MFSD1: variants seen among roughly 807,000 people sequenced by gnomAD.
MFSD1 encodes lysosomal dipeptide transporter MFSD1.
MFSD1 carries 59 observed loss-of-function variants against 67.1 expected under a neutral mutation model. The observed-to-expected ratio is 0.88, with a 90% CI of 0.71 to 1.09. The LOEUF is 1.09. MFSD1 is among the 50% of genes least tolerant of loss of function. The pLI, the probability that MFSD1 is intolerant of heterozygous loss-of-function variation, is 0.00. For missense variants in MFSD1, 552 were observed against 566.1 expected (o/e 0.97, Z 0.25); for synonymous variants, 213 against 200.3 (o/e 1.06, Z -0.54).
intron 3 of MFSD1, 58 bp downstream of exon 3, chr3:158,805,532 C>A: frequency 8.2e-7 from 1 of 1,223,452 alleles, no homozygotes; most frequent in Non-Finnish European, 1.2e-6. Flanking sequence ...AAATACAGAG[C>A]TAGATTAAGG....
Position 158,811,828 on chromosome 3 carries a change from G to A in MFSD1, c.550-2137G>A, listed in dbSNP as rs151036654. On this transcript the variant is annotated intron_variant, in intron 6 of 15. Coordinates refer to ENST00000415822, the MANE Select transcript of MFSD1 (RefSeq NM_022736.4). The stretch of plus-strand genomic sequence containing the variant: ...CTAGCTAATGGCATTACTCAAATAA[G>A]CAACAAGGTAAACAGAGACCTACTG... 2.8e-3 allele frequency among the ~76,000 whole-genome samples: 419 copies of A among 152,236 alleles called. 3 individuals carry two copies. The highest frequency in any genetic ancestry group is 9.6e-3 in the African/African-American group (397 of 41,542).
At chr3:158,814,810 C>T (rs773744588) in intron 7 of MFSD1, among the ~76,000 whole-genome samples, 17 of 152,072 alleles carry the variant, frequency 1.1e-4, no homozygotes, top group East Asian at 1.9e-4. Flanking sequence ...CAGCCGGGCA[C>T]GGTGGCTCAC....
In MFSD1 at chr3:158,828,964, C is replaced by A; in HGVS notation, c.1395-15C>A. 6.3e-7 allele frequency: 1 copy of A among 1,596,970 alleles called. No homozygotes were observed. Among genetic ancestry groups the A allele is most frequent in the Non-Finnish European group, 8.5e-7 (1 of 1,171,814 alleles). ...TTTCTTCCTCTTTGGTAATTTATTG[C>A]GTTATGTTTTGCAGATGAGAAGTTA... On this transcript the variant is annotated splice_polypyrimidine_tract_variant and intron_variant, in intron 15 of 15. Coordinates refer to ENST00000415822, the MANE Select transcript of MFSD1 (RefSeq NM_022736.4).
rs113683331 is a variant in MFSD1, at chr3:158,829,237, C to T, written c.*255C>T. 0.025 allele frequency: 7,891 copies of T among 314,176 alleles called. 148 individuals carry two copies. Among genetic ancestry groups the T allele is most frequent in the Non-Finnish European group, 0.035 (6,069 of 173,940 alleles). 19.5% of individuals were successfully genotyped at this position (314,176 alleles called of 1,614,324 possible). On this transcript the variant is annotated 3_prime_UTR_variant, in exon 16 of 16. Coordinates refer to ENST00000415822, the MANE Select transcript of MFSD1 (RefSeq NM_022736.4). ...AAAGGGTTAGAAAATTGCTGTGGAA[C>T]ATCCAGGTGAACTTCAGGAAAGACA...
At chr3:158,807,257 A>G (rs978584063) in intron 4 of MFSD1, 139 bp from the exon 5 acceptor site, 2 of 926,104 alleles carry the variant, frequency 2.2e-6, no homozygotes, top group Non-Finnish European at 3.4e-6. Context: ...AATGAACATT[A>G]ATATTTTAAC....
intron 14 of MFSD1, among the ~76,000 whole-genome samples, chr3:158,826,665 T>G (rs566998811): frequency 1.3e-4 from 19 of 151,654 alleles, no homozygotes; most frequent in African/African-American, 3.9e-4. Flanking sequence ...TAATAGTTTT[T>G]TTTTTCTTTT....
At chr3:158,817,989 C>G (rs937550199) in intron 7 of MFSD1, among the ~76,000 whole-genome samples, 3 of 152,100 alleles carry the variant, frequency 2.0e-5, no homozygotes, top group Non-Finnish European at 4.4e-5. Context: ...ACTACTGTCC[C>G]TAAGTTCTCT....
In MFSD1 at chr3:158,809,215, A is replaced by G; in HGVS notation, c.477A>G (p.Thr159=). 1.9e-6 allele frequency: 3 copies of G among 1,606,920 alleles called. No individual in the cohort carries two copies. The highest frequency in any genetic ancestry group is 1.3e-5 in the African/African-American group (1 of 74,162). The change falls in exon 6 of 16, where the codon ACA becomes ACG. Residue 159 remains threonine (T), a synonymous_variant. Coordinates refer to ENST00000415822, the MANE Select transcript of MFSD1 (RefSeq NM_022736.4). ...GGESLAVAQN[T]YAVSWFKGKE... ...AGTCCTTAGCAGTTGCCCAGAATAC[A>G]TATGCTGTGAGCTGGTTTAAAGGCA... is the stretch of plus-strand genomic sequence containing the variant.
At chr3:158,821,042 A>C (rs1268006890) in intron 9 of MFSD1, among the ~76,000 whole-genome samples, 1 of 152,182 alleles carries the variant, frequency 6.6e-6, no homozygotes, top group Non-Finnish European at 1.5e-5. Flanking sequence ...TTATTGGTGC[A>C]CTGTGCCTGG....
At chr3:158,804,703 G>A (rs1326094250) in intron 2 of MFSD1, among the ~76,000 whole-genome samples, 4 of 152,162 alleles carry the variant, frequency 2.6e-5, no homozygotes, top group Non-Finnish European at 5.9e-5. Flanking sequence ...CAAATGATTT[G>A]TTAAGATAGC....
At chr3:158,804,528 AAGTT>A in intron 2 of MFSD1, among the ~76,000 whole-genome samples, 157 bp downstream of exon 2, 1 of 152,314 alleles carries the variant, frequency 6.6e-6, no homozygotes, top group Middle Eastern at 3.4e-3. Context: ...GGGTGTTCTT[AAGTT>A]GAAATGAGTT....
Position 158,824,391 on chromosome 3 carries a change from A to T in MFSD1, c.1288+155A>T, listed in dbSNP as rs540933089. 9 of 624,964 alleles carry T rather than the reference A, an allele frequency of 1.4e-5. No individual in the cohort carries two copies. The East Asian group carries it at 2.4e-4, about 17-fold the overall frequency. 38.7% of individuals were successfully genotyped at this position (624,964 alleles called of 1,614,324 possible). ...TCTAGCCCTCTGAAGATTCACAGGC[A>T]TTTTTTAGGAGATTCCTATCCTTAA... is the stretch of plus-strand genomic sequence containing the variant. On this transcript the variant is annotated intron_variant, in intron 13 of 15. Transcript: ENST00000415822.
At chr3:158,812,044 T>A (rs1457997874) in intron 6 of MFSD1, among the ~76,000 whole-genome samples, 1 of 152,026 alleles carries the variant, frequency 6.6e-6, no homozygotes, top group Non-Finnish European at 1.5e-5. Flanking sequence ...AAATAATGAG[T>A]TTTCAAGTAA....
intron 7 of MFSD1, among the ~76,000 whole-genome samples, chr3:158,819,279 C>T (rs1226881498): frequency 1.3e-5 from 2 of 152,184 alleles, no homozygotes; most frequent in African/African-American, 4.8e-5. Context: ...CATTTTTTCC[C>T]TGGTGTCCAT....
chr3:158,809,568 T>C (rs1389248527), intron 6 of MFSD1, among the ~76,000 whole-genome samples: 1 of 152,120 alleles, frequency 6.6e-6, no homozygotes, highest in African/African-American at 2.4e-5. Context: ...TTCTTACCCA[T>C]TTTTGGCATC....
intron 6 of MFSD1, among the ~76,000 whole-genome samples, chr3:158,812,392 T>G (rs539292886): frequency 6.6e-6 from 1 of 152,176 alleles, no homozygotes; most frequent in Non-Finnish European, 1.5e-5. Flanking sequence ...AGATAAAAGT[T>G]GAGCAGCGTT....
chr3:158,810,999 T>G (rs1204357098), intron 6 of MFSD1, among the ~76,000 whole-genome samples: 2 of 152,206 alleles, frequency 1.3e-5, no homozygotes, highest in East Asian at 3.9e-4. Context: ...AAGACTCAAC[T>G]GACTTCATTC....
chr3:158,811,089 A>G (rs1033425520), intron 6 of MFSD1, among the ~76,000 whole-genome samples: 1 of 152,198 alleles, frequency 6.6e-6, no homozygotes, highest in African/African-American at 2.4e-5. Flanking sequence ...GAGGAGCCCT[A>G]AGTTTCTCTC....
At chr3:158,827,203 CATGT>C (rs1559926043) in intron 14 of MFSD1, 73 bp from the exon 15 acceptor site, 8 of 826,208 alleles carry the variant, frequency 9.7e-6, no homozygotes, top group Admixed American at 2.7e-5. Context: ...CAAATGGTTG[CATGT>C]ATGTATGTAT....
Sources: gnomAD v4.1 joint callset for allele counts (sites outside exome capture counted in the v4.1 genomes callset) on GRCh38, gnomAD v4.1.1 for gene constraint, MANE v1.5 for transcripts, NCBI Gene and HGNC (gene_info 2026-07-23, HGNC 2026-07-21) for gene names.